The following SLC25A26 variants were observed in gnomAD, a reference collection of about 807,000 sequenced individuals.
The protein encoded by SLC25A26 is solute carrier family 25 member 26.
In SLC25A26, 36 loss-of-function variants were observed where a neutral mutation model predicts 37.8. The ratio of observed to expected loss-of-function variants is 0.95; its 90% CI spans 0.73 to 1.26. SLC25A26 has a LOEUF of 1.26. Among genes scored for constraint, SLC25A26 ranks in the 50% most tolerant of loss-of-function variants. The pLI, the probability that SLC25A26 is intolerant of heterozygous loss-of-function variation, is 0.00. For synonymous variants in SLC25A26, 129 were observed against 122.5 expected (o/e 1.05, Z -0.35); for missense variants, 390 against 331.1 (o/e 1.18, Z -1.38).
chr3:66,159,703 C>A (rs774706438), intron 1 of SLC25A26, among the ~76,000 whole-genome samples: 4 of 152,150 alleles, frequency 2.6e-5, no homozygotes, highest in Non-Finnish European at 4.4e-5. Flanking sequence ...GGCATGTACT[C>A]GAAAAGCCTG....
At chr3:66,363,716 G>T (rs993822033) in intron 7 of SLC25A26, among the ~76,000 whole-genome samples, 9 of 152,194 alleles carry the variant, frequency 5.9e-5, no homozygotes, top group African/African-American at 1.7e-4. Flanking sequence ...GAGGTTTAGG[G>T]TGTTAACTTT....
intron 1 of SLC25A26, among the ~76,000 whole-genome samples, chr3:66,147,534 T>C (rs2070137980): frequency 6.6e-6 from 1 of 152,040 alleles, no homozygotes; most frequent in Non-Finnish European, 1.5e-5. Flanking sequence ...TTGTGGACTG[T>C]GCGGCTATAA....
At chr3:66,295,405 G>C (rs547124421) in intron 5 of SLC25A26, among the ~76,000 whole-genome samples, 1 of 120,976 alleles carries the variant, frequency 8.3e-6, no homozygotes, top group Non-Finnish European at 1.7e-5. Context: ...TTGTATTTTT[G>C]TTTTTTTTTT....
At chr3:66,221,777 G>A (rs2071507003) in intron 1 of SLC25A26, among the ~76,000 whole-genome samples, 2 of 150,450 alleles carry the variant, frequency 1.3e-5, no homozygotes, top group South Asian at 2.1e-4. Context: ...ATTTTGGAGC[G>A]TCTGGTAGAG....
intron 1 of SLC25A26, among the ~76,000 whole-genome samples, chr3:66,163,615 T>C (rs1463829093): frequency 3.3e-5 from 5 of 152,150 alleles, no homozygotes. Flanking sequence ...CCAGAAGAGA[T>C]GTTAGTGATT....
intron 1 of SLC25A26, among the ~76,000 whole-genome samples, chr3:66,137,916 C>T (rs2069971457): frequency 6.6e-6 from 1 of 152,152 alleles, no homozygotes; most frequent in African/African-American, 2.4e-5. Context: ...TCTCTGCCAC[C>T]TCTGCCTCCC....
chr3:66,354,871 C>T (rs865857768), intron 6 of SLC25A26, among the ~76,000 whole-genome samples: 27 of 152,310 alleles, frequency 1.8e-4, no homozygotes, highest in African/African-American at 5.8e-4. Context: ...TGCCGCCATC[C>T]ACATAAAATG....
At chr3:66,340,868 T>C (rs1252027768) in intron 5 of SLC25A26, among the ~76,000 whole-genome samples, 1 of 148,718 alleles carries the variant, frequency 6.7e-6, no homozygotes, top group Non-Finnish European at 1.5e-5. Flanking sequence ...TTTGATAATA[T>C]TGTAAATATA....
At chr3:66,369,047 AAAC>A (rs1559746413) in intron 7 of SLC25A26, among the ~76,000 whole-genome samples, 1 of 29,146 alleles carries the variant, frequency 3.4e-5, no homozygotes, top group Non-Finnish European at 6.1e-5. Context: ...AAAAAAACAA[AAAC>A]AAAAAAAAAA....
intron 9 of SLC25A26, 133 bp from the exon 10 acceptor site, chr3:66,377,557 G>T (rs999011974): frequency 3.2e-6 from 2 of 621,624 alleles, no homozygotes; most frequent in East Asian, 2.6e-5. Context: ...TGCCTTATTT[G>T]GGAGCGTTCA....
chr3:66,147,644 G>A (rs2070139677), intron 1 of SLC25A26, among the ~76,000 whole-genome samples: 1 of 152,126 alleles, frequency 6.6e-6, no homozygotes, highest in Non-Finnish European at 1.5e-5. Flanking sequence ...TCTACTTTTA[G>A]TTCTTTGAGG....
chr3:66,304,247 C>G (rs917994293), intron 5 of SLC25A26, among the ~76,000 whole-genome samples: 10 of 152,164 alleles, frequency 6.6e-5, no homozygotes, highest in African/African-American at 2.2e-4. Flanking sequence ...CGGTCCCATC[C>G]ACACTGGATG....
intron 1 of SLC25A26, among the ~76,000 whole-genome samples, chr3:66,209,898 T>TATTTATATATATATA (rs2071256377): frequency 2.6e-5 from 1 of 38,608 alleles, no homozygotes; most frequent in African/African-American, 8.8e-5. Flanking sequence ...CTCTCTCTAT[T>TATTTATATATATATA]TATATATATA....
chr3:66,214,788 T>A (rs1214998818), intron 1 of SLC25A26, among the ~76,000 whole-genome samples: 4 of 152,208 alleles, frequency 2.6e-5, no homozygotes, highest in Non-Finnish European at 5.9e-5. Context: ...AACTGAAATT[T>A]TTTTTTTGAG....
intron 5 of SLC25A26, among the ~76,000 whole-genome samples, chr3:66,292,666 G>A (rs1447247743): frequency 6.6e-6 from 1 of 152,216 alleles, no homozygotes; most frequent in Admixed American, 6.5e-5. Flanking sequence ...GAGACCTGCT[G>A]TTAGTCTGAT....
At chr3:66,234,932 T>TA (rs1172218494) in intron 1 of SLC25A26, among the ~76,000 whole-genome samples, 2 of 152,206 alleles carry the variant, frequency 1.3e-5, no homozygotes, top group Non-Finnish European at 2.9e-5. Flanking sequence ...GCAATTTAGT[T>TA]AAAAAATTAC....
intron 4 of SLC25A26, among the ~76,000 whole-genome samples, chr3:66,262,994 A>C (rs776993221): frequency 6.6e-6 from 1 of 152,234 alleles, no homozygotes; most frequent in Admixed American, 6.5e-5. Flanking sequence ...TTTCAAGAGA[A>C]CACATGTTAG....
chr3:66,142,576 C>A (rs1165617401), intron 1 of SLC25A26, among the ~76,000 whole-genome samples: 2 of 152,174 alleles, frequency 1.3e-5, no homozygotes, highest in African/African-American at 4.8e-5. Context: ...AACAAACAGG[C>A]CTTGCTAAAT....
chr3:66,249,184 C>T (rs981443790), intron 3 of SLC25A26, among the ~76,000 whole-genome samples: 2 of 148,916 alleles, frequency 1.3e-5, no homozygotes, highest in African/African-American at 2.5e-5. Flanking sequence ...TGAACTCAGA[C>T]ATGTAGATTT....
Sources: allele counts gnomAD v4.1 joint callset (sites outside exome capture counted in the v4.1 genomes callset), GRCh38; gene constraint gnomAD v4.1.1; transcripts MANE v1.5; gene names NCBI Gene and HGNC (gene_info 2026-07-23, HGNC 2026-07-21).